Variants in GRID2 observed in about 807,000 individuals in gnomAD.
GRID2 encodes the protein glutamate receptor ionotropic, delta-2.
Under a neutral mutation model 114.8 loss-of-function variants are expected in GRID2, and 33 were observed. That is an observed-to-expected ratio of 0.29 (90% confidence interval 0.22 to 0.38). The LOEUF (loss-of-function observed/expected upper bound fraction) is 0.38, where lower values mean the gene tolerates loss of function less well. Ranked by LOEUF, GRID2 falls within the 10% of genes least tolerant of loss-of-function variation. The probability of loss-of-function intolerance (pLI) is 1.00; values close to 1 mark genes in which losing one functional copy is unlikely to be tolerated. For missense variants in GRID2, 1,184 were observed against 1,257.7 expected, an observed-to-expected ratio of 0.94 and a Z score of 0.89; for synonymous variants, 505 against 449.9, an observed-to-expected ratio of 1.12 and a Z score of -1.55.
chr4:92,649,794 T>C (rs1033706963), intron 2 of GRID2, among the ~76,000 whole-genome samples: 1 of 152,102 alleles, frequency 6.6e-6, no homozygotes, highest in African/African-American at 2.4e-5. Context: ...ATTTTTACTC[T>C]TGATATCTCG....
rs1196384442 is a variant in GRID2, at chr4:93,537,828, T to C, written c.2193+22417T>C. Among the ~76,000 whole-genome samples the C allele has an allele frequency of 2.0e-5, 3 of 151,778 alleles. No homozygotes were observed. In the East Asian group the frequency reaches 5.8e-4, roughly 29 times the overall value. On this transcript the variant is annotated intron_variant, in intron 13 of 15. Coordinates refer to ENST00000282020, the MANE Select transcript of GRID2 (RefSeq NM_001510.4). ...TAATTCTAAATATTTCCCCCTTTGT[T>C]ACACCCCTTTACTTCATATCAGAAT...
intron 2 of GRID2, among the ~76,000 whole-genome samples, chr4:92,889,170 A>G (rs1173830464): frequency 1.3e-5 from 2 of 152,128 alleles, no homozygotes; most frequent in Non-Finnish European, 2.9e-5. Context: ...AGAGAAAGTA[A>G]TTTTTACCGT....
intron 8 of GRID2, among the ~76,000 whole-genome samples, chr4:93,279,278 C>T (rs930639828): frequency 2.0e-5 from 3 of 151,570 alleles, no homozygotes; most frequent in African/African-American, 7.3e-5. Flanking sequence ...TTGTATATTA[C>T]TTCACTTAGG....
chr4:92,570,690 TA>T (rs1727567064), intron 1 of GRID2, among the ~76,000 whole-genome samples: 2 of 146,334 alleles, frequency 1.4e-5, no homozygotes, highest in African/African-American at 5.4e-5. Flanking sequence ...ATCTCCTAGG[TA>T]TTTTATTCTT....
intron 2 of GRID2, among the ~76,000 whole-genome samples, chr4:92,887,613 C>T (rs1056868075): frequency 2.6e-5 from 4 of 152,134 alleles, no homozygotes; most frequent in Non-Finnish European, 4.4e-5. Flanking sequence ...ATGGTGTCAT[C>T]ATTAGATAAT....
chr4:93,626,915 G>T (rs935749316), intron 14 of GRID2, among the ~76,000 whole-genome samples: 1 of 152,154 alleles, frequency 6.6e-6, no homozygotes, highest in Non-Finnish European at 1.5e-5. Context: ...TTAAGATTTT[G>T]GAGTTCCCCG....
Position 93,338,263 on chromosome 4 carries a change from G to A in GRID2, c.1246-57344G>A, listed in dbSNP as rs147492933. Among the ~76,000 whole-genome samples the A allele has an allele frequency of 2.9e-4, 44 of 152,152 alleles. No homozygotes were observed. The East Asian group carries it at 4.8e-3, about 17-fold the overall frequency. On this transcript the variant is annotated intron_variant, in intron 8 of 15. Coordinates refer to ENST00000282020, the MANE Select transcript of GRID2 (RefSeq NM_001510.4). ...TCACACAGTTTTAAATGGAATCACC[G>A]TTATTGACAGTTTCTCCATGACTTT...
chr4:92,559,227 G>A (rs1301872165), intron 1 of GRID2, among the ~76,000 whole-genome samples: 2 of 152,038 alleles, frequency 1.3e-5, no homozygotes, highest in African/African-American at 4.8e-5. Context: ...CATATAATTT[G>A]TATAGTTGCC....
chr4:93,405,592 G>T (rs1310859704), intron 9 of GRID2, among the ~76,000 whole-genome samples: 2 of 152,090 alleles, frequency 1.3e-5, no homozygotes, highest in East Asian at 1.9e-4. Flanking sequence ...AGAGTCATTT[G>T]CAAATTCAAA....
At chr4:93,110,150 C>T (rs1443191634) in intron 3 of GRID2, among the ~76,000 whole-genome samples, 1 of 152,140 alleles carries the variant, frequency 6.6e-6, no homozygotes, top group African/African-American at 2.4e-5. Context: ...CTCCTACCAA[C>T]TTTTCCAAAT....
intron 1 of GRID2, among the ~76,000 whole-genome samples, chr4:92,374,327 T>C (rs1436513014): frequency 6.6e-6 from 1 of 152,160 alleles, no homozygotes; most frequent in Non-Finnish European, 1.5e-5. Flanking sequence ...TCCCAGGTCT[T>C]TAGATAAACT....
intron 2 of GRID2, among the ~76,000 whole-genome samples, chr4:92,967,510 A>G (rs1231666710): frequency 2.7e-5 from 4 of 147,452 alleles, no homozygotes; most frequent in East Asian, 2.2e-4. Context: ...TTAAAAAAAT[A>G]TTTTTTACCA....
At chr4:93,567,921 A>G (rs1279166893) in intron 13 of GRID2, among the ~76,000 whole-genome samples, 2 of 152,224 alleles carry the variant, frequency 1.3e-5, no homozygotes, top group Non-Finnish European at 2.9e-5. Context: ...ACTCTGCTTC[A>G]TTAAACCAAC....
intron 14 of GRID2, among the ~76,000 whole-genome samples, chr4:93,730,321 T>G (rs1208283481): frequency 6.6e-6 from 1 of 152,190 alleles, no homozygotes; most frequent in Non-Finnish European, 1.5e-5. Flanking sequence ...GCAGCCTAGA[T>G]AGTAGTTAAG....
At chr4:92,900,733 C>G (rs1421526327) in intron 2 of GRID2, among the ~76,000 whole-genome samples, 1 of 147,760 alleles carries the variant, frequency 6.8e-6, no homozygotes, top group Non-Finnish European at 1.5e-5. Flanking sequence ...ACGCCGGAGG[C>G]TGAGGCAGGA....
chr4:93,514,546 A>G (rs1200865557), intron 12 of GRID2, among the ~76,000 whole-genome samples: 1 of 152,090 alleles, frequency 6.6e-6, no homozygotes, highest in Non-Finnish European at 1.5e-5. Context: ...GAGGCTGGAC[A>G]GACCCACATT....
intron 13 of GRID2, among the ~76,000 whole-genome samples, chr4:93,531,810 G>T (rs1028186497): frequency 3.3e-5 from 5 of 151,830 alleles, no homozygotes; most frequent in Non-Finnish European, 7.4e-5. Context: ...TATGTTCATT[G>T]TATTAACTCA....
chr4:93,393,160 C>T (rs189408708), intron 8 of GRID2, among the ~76,000 whole-genome samples: 1 of 151,826 alleles, frequency 6.6e-6, no homozygotes. Flanking sequence ...TTCTTTACTC[C>T]CAAATTCAGT....
intron 1 of GRID2, among the ~76,000 whole-genome samples, chr4:92,343,479 A>G (rs1380414459): frequency 6.6e-6 from 1 of 152,110 alleles, no homozygotes; most frequent in Non-Finnish European, 1.5e-5. Flanking sequence ...TTAACTACTC[A>G]TAGCCTACTG....
Sources: allele counts gnomAD v4.1 joint callset (sites outside exome capture counted in the v4.1 genomes callset), GRCh38; gene constraint gnomAD v4.1.1; transcripts MANE v1.5; gene names NCBI Gene and HGNC (gene_info 2026-07-23, HGNC 2026-07-21).